The following SF3B1 variants were observed in gnomAD, a reference collection of about 807,000 sequenced individuals.
SF3B1 encodes splicing factor 3b subunit 1.
A neutral mutation model predicts 153.8 loss-of-function variants in SF3B1; 12 were observed. The ratio of observed to expected loss-of-function variants is 0.08; its 90% CI spans 0.05 to 0.13. The LOEUF (loss-of-function observed/expected upper bound fraction) is 0.13, where lower values mean the gene tolerates loss of function less well. SF3B1 is among the 10% of genes least tolerant of loss of function. The probability of loss-of-function intolerance (pLI) is 1.00; values close to 1 mark genes in which losing one functional copy is unlikely to be tolerated. For synonymous variants in SF3B1, 498 were observed against 525.2 expected, an observed-to-expected ratio of 0.95 and a Z score of 0.71; for missense variants, 513 against 1,606.1, an observed-to-expected ratio of 0.32 and a Z score of 11.63.
At chr2:197,423,680 T>C (rs529636665) in intron 2 of SF3B1, 128 bp downstream of exon 2, 50 of 776,522 alleles carry the variant, frequency 6.4e-5, no homozygotes, top group Non-Finnish European at 9.4e-5. Flanking sequence ...ATACCTCCAG[T>C]AGTTTTATCC....
intron 6 of SF3B1, 107 bp downstream of exon 6, chr2:197,416,634 A>G (rs2085152336): frequency 1.1e-6 from 1 of 923,504 alleles, no homozygotes; most frequent in Non-Finnish European, 1.6e-6. Flanking sequence ...CTGTTGTTTA[A>G]GGCACCCAGT....
chr2:197,418,365 T>C, intron 5 of SF3B1, 144 bp downstream of exon 5: 1 of 540,802 alleles, frequency 1.8e-6, no homozygotes, highest in Non-Finnish European at 3.1e-6. Flanking sequence ...TGGTATAATT[T>C]GGGGGTAAGA....
At chr2:197,424,400 T>C (rs886942618) in intron 1 of SF3B1, among the ~76,000 whole-genome samples, 3 of 151,804 alleles carry the variant, frequency 2.0e-5, no homozygotes, top group Non-Finnish European at 2.9e-5. Flanking sequence ...ATTTGGGAAG[T>C]TGAGGCAGGA....
Position 197,396,365 on chromosome 2 carries a change from A to G in SF3B1, c.3267-37T>C, listed in dbSNP as rs10197797. The G allele has an allele frequency of 3.4e-3, 5,205 of 1,545,166 alleles. 133 individuals carry two copies. The African/African-American group carries it at 0.059, about 18-fold the overall frequency. ...AAATGGGTCAACAAGCTGTTACATT[A>G]TAAGTCAAAAATTTATGGAAGAAAA... is the stretch of plus-strand genomic sequence containing the variant. On this transcript the variant is annotated intron_variant, in intron 22 of 24. Coordinates refer to ENST00000335508, the MANE Select transcript of SF3B1 (RefSeq NM_012433.4).
chr2:197,409,225 C>T (rs919221223), intron 7 of SF3B1, among the ~76,000 whole-genome samples: 4 of 152,096 alleles, frequency 2.6e-5, no homozygotes, highest in African/African-American at 7.2e-5. Context: ...CATAGAGAAA[C>T]CCCGTCTCTA....
intron 9 of SF3B1, 150 bp downstream of exon 9, chr2:197,407,848 T>C (rs2085014946): frequency 1.6e-6 from 1 of 635,174 alleles, no homozygotes; most frequent in Non-Finnish European, 2.7e-6. Flanking sequence ...TTCATCTCTA[T>C]ATGGAACTGA....
chr2:197,420,624 T>C, intron 3 of SF3B1, 82 bp from the exon 4 acceptor site: 1 of 840,044 alleles, frequency 1.2e-6, no homozygotes, highest in Non-Finnish European at 1.9e-6. Context: ...CAGAACACCA[T>C]AAAGCACAAA....
chr2:197,424,188 C>T (rs2085293802), intron 1 of SF3B1, among the ~76,000 whole-genome samples: 2 of 152,180 alleles, frequency 1.3e-5, no homozygotes, highest in Admixed American at 1.3e-4. Context: ...GCCTACAATC[C>T]CAACACTTTG....
chr2:197,403,470 G>A (rs2084956476), intron 12 of SF3B1, 115 bp downstream of exon 12: 5 of 607,150 alleles, frequency 8.2e-6, no homozygotes, highest in Admixed American at 7.1e-5. Flanking sequence ...ATTTGTACAT[G>A]TATGGTGTGT....
At chr2:197,395,972 A>C in intron 23 of SF3B1, 84 bp downstream of exon 23, 1 of 1,239,326 alleles carries the variant, frequency 8.1e-7, no homozygotes, top group Middle Eastern at 2.7e-4. Flanking sequence ...TTACAGTAAA[A>C]AGTCATCTAA....
rs1456739547 is a variant in SF3B1 at position 197,400,186 on chromosome 2, G to A, written c.2902-20C>T. Reference sequence around the variant, plus strand: ...TTTTTCCTATAATAAAACAAATAATGTTAAAATGTTACTATTTACATTAAA... The same window carrying A: ...TTTTTCCTATAATAAAACAAATAATATTAAAATGTTACTATTTACATTAAA... On this transcript the variant is annotated intron_variant, in intron 19 of 24. Coordinates refer to ENST00000335508, the MANE Select transcript of SF3B1 (RefSeq NM_012433.4). The surrounding 1 kb of genome is among the most constrained non-coding windows in gnomAD (Gnocchi z 5.0). 4.4e-6 allele frequency: 7 copies of A among 1,580,060 alleles called. No individual in the cohort carries two copies. The highest frequency in any genetic ancestry group is 1.7e-5 in the Admixed American group (1 of 59,284).
intron 20 of SF3B1, 118 bp from the exon 21 acceptor site, chr2:197,398,699 G>T: frequency 1.1e-6 from 1 of 917,560 alleles, no homozygotes; most frequent in Non-Finnish European, 1.6e-6. Flanking sequence ...GCTGCCTAGG[G>T]AAAGAGAAAG....
intron 7 of SF3B1, 129 bp from the exon 8 acceptor site, chr2:197,408,710 T>A: frequency 1.4e-6 from 1 of 696,602 alleles, no homozygotes; most frequent in Non-Finnish European, 2.4e-6. Flanking sequence ...GTGACCCATT[T>A]AAAGTTGTTT....
intron 4 of SF3B1, 174 bp downstream of exon 4, chr2:197,420,254 A>G (rs2085218295): frequency 1.5e-5 from 7 of 476,162 alleles, no homozygotes; most frequent in Admixed American, 1.2e-4. Context: ...CTTGCATTAT[A>G]AAGATGAAGA....
chr2:197,432,956 C>G (rs545670278), intron 1 of SF3B1, among the ~76,000 whole-genome samples: 4 of 152,222 alleles, frequency 2.6e-5, no homozygotes, highest in Admixed American at 1.3e-4. Flanking sequence ...AATCTTGGAG[C>G]TAAGGAGAAG....
At position 197,431,943 on chromosome 2, in the gene SF3B1, C is replaced by T. The variant is rs565457444; in HGVS notation, c.28+3029G>A. Among the ~76,000 whole-genome samples, 215 of 151,972 alleles carry T rather than the reference C, an allele frequency of 1.4e-3. 1 individual carries two copies. Among genetic ancestry groups the T allele is most frequent in the East Asian group, 9.7e-4 (5 of 5,170 alleles). On this transcript the variant is annotated intron_variant, in intron 1 of 24. Transcript: ENST00000335508. ...TTCGAGATCAGCCTGGGTAACATAG[C>T]GAGACCCCATCTCTAAAAAAAAATT...
chr2:197,414,938 A>T (rs966709800), intron 6 of SF3B1, among the ~76,000 whole-genome samples: 5 of 152,036 alleles, frequency 3.3e-5, no homozygotes, highest in African/African-American at 9.7e-5. Context: ...CAGGAGGTGG[A>T]GGCTGCAGTG....
At chr2:197,435,064 A>G, upstream of SF3B1, 1 of 1,613,252 alleles carries the variant, frequency 6.2e-7, no homozygotes, top group East Asian at 2.2e-5. Flanking sequence ...CGCCGCCGCC[A>G]CGGAGAAAAA....
Position 197,401,633 on chromosome 2 carries a change from A to G in SF3B1, c.2371-108T>C, listed in dbSNP as rs527843719. 7.3e-5 allele frequency: 107 copies of G among 1,470,814 alleles called. No homozygotes were observed. The South Asian group carries it at 1.2e-3, about 17-fold the overall frequency. The allele number at this position is 1,470,814 out of a possible 1,614,324, so 91.1% of individuals were successfully genotyped here. A position where few individuals can be genotyped will look rare whatever the true frequency, so the allele number is the denominator to read the frequency against. The stretch of plus-strand genomic sequence containing the variant: ...AATAAAATTTAAAAACAAATCAAAC[A>G]GTATTCGTGTAACATACAGTTTTTT... On this transcript the variant is annotated intron_variant, in intron 16 of 24. Coordinates refer to ENST00000335508, the MANE Select transcript of SF3B1 (RefSeq NM_012433.4). The surrounding 1 kb of genome is among the most constrained non-coding windows in gnomAD (Gnocchi z 4.2).
Sources: gnomAD v4.1 joint callset for allele counts (sites outside exome capture counted in the v4.1 genomes callset) on GRCh38, gnomAD v4.1.1 for gene constraint, Gnocchi (gnomAD v3.1) non-coding constraint, MANE v1.5 for transcripts, NCBI Gene and HGNC (gene_info 2026-07-23, HGNC 2026-07-21) for gene names.